DYNC2H1: variants seen among roughly 807,000 people sequenced by gnomAD.
DYNC2H1 encodes dynein cytoplasmic 2 heavy chain 1, also known as cytoplasmic dynein 2 heavy chain 1.
A neutral mutation model predicts 570.0 loss-of-function variants in DYNC2H1; 410 were observed. That is an observed-to-expected ratio of 0.72 (90% CI 0.66 to 0.78). The LOEUF is 0.78. DYNC2H1 is among the 30% of genes least tolerant of loss of function. The pLI is 0.00. For synonymous variants in DYNC2H1, 1,688 were observed against 1,677.6 expected, an observed-to-expected ratio of 1.01 and a Z score of -0.15; for missense variants, 4,865 against 5,046.4, an observed-to-expected ratio of 0.96 and a Z score of 1.09.
chr11:103,122,208 A>T (rs1379266207), intron 10 of DYNC2H1, among the ~76,000 whole-genome samples: 1 of 152,180 alleles, frequency 6.6e-6, no homozygotes. Context: ...AATAAATGTT[A>T]ATTGATTATA....
At chr11:103,468,464 T>C (rs1040477854) in intron 87 of DYNC2H1, 125 bp from the exon 88 acceptor site, 9 of 630,430 alleles carry the variant, frequency 1.4e-5, no homozygotes, top group Non-Finnish European at 2.2e-5. Flanking sequence ...TACCATAATC[T>C]TTGTTTTCAT....
intron 17 of DYNC2H1, among the ~76,000 whole-genome samples, chr11:103,141,650 A>G (rs547538647): frequency 1.3e-5 from 2 of 152,196 alleles, no homozygotes; most frequent in African/African-American, 4.8e-5. Context: ...CTCAGGGGTC[A>G]GGGGTCAGGG....
chr11:103,269,091 TTTAG>T (rs778552831), intron 70 of DYNC2H1, among the ~76,000 whole-genome samples: 27 of 152,298 alleles, frequency 1.8e-4, no homozygotes, highest in Non-Finnish European at 2.9e-4. Context: ...TTATTAATAT[TTTAG>T]TTAGTACTCA....
chr11:103,391,834 T>C (rs1942165587), intron 83 of DYNC2H1, among the ~76,000 whole-genome samples: 3 of 152,232 alleles, frequency 2.0e-5, no homozygotes, highest in South Asian at 4.1e-4. Context: ...CAGCAAATGT[T>C]GCTGCCTGAT....
chr11:103,182,976 A>G (rs2135015953), intron 40 of DYNC2H1, among the ~76,000 whole-genome samples: 1 of 151,980 alleles, frequency 6.6e-6, no homozygotes, highest in East Asian at 1.9e-4. Flanking sequence ...TAGGAAAGGG[A>G]ACACTCCCAT....
chr11:103,424,705 C>CAAAAA lies in DYNC2H1; in HGVS notation c.12367-11227_12367-11223dup, dbSNP rs72076859. 6.1e-4 allele frequency among the ~76,000 whole-genome samples: 80 copies of CAAAAA among 131,004 alleles called. 2 individuals are homozygous for CAAAAA. Among genetic ancestry groups the CAAAAA allele is most frequent in the African/African-American group, 1.8e-3 (66 of 36,068 alleles). The allele number at this position is 131,004 out of a possible 152,430, so 85.9% of individuals were successfully genotyped here. A position where few individuals can be genotyped will look rare whatever the true frequency, so the allele number is the denominator to read the frequency against. On this transcript the variant is annotated intron_variant, in intron 84 of 88. Transcript: ENST00000375735. ...GGCAAATGTTTAAAAACTGGCTCTCCAAAAAAAAAAAAAAAGAGGAGGCAA... is the reference window on the plus strand; with the variant it reads ...GGCAAATGTTTAAAAACTGGCTCTCCAAAAAAAAAAAAAAAAAAAAGAGGAGGCAA...
rs748810969 is a variant in DYNC2H1 at position 103,147,777 on chromosome 11, T to C, written c.2708T>C (p.Val903Ala). The C allele has an allele frequency of 6.2e-7, 1 of 1,602,158 alleles. No homozygotes were observed. The highest frequency in any genetic ancestry group is 1.1e-5 in the South Asian group (1 of 88,918). ...GKEVERLPSA[V>A]KVDCLNINCN... ...TGTCCATTGACATTTTTCAGTGCTGTCAAGGTAGATTGTTTAAATATTAAT... is the reference window on the plus strand; with the variant it reads ...TGTCCATTGACATTTTTCAGTGCTGCCAAGGTAGATTGTTTAAATATTAAT... Residue 903 changes from valine (V) to alanine (A), a missense_variant, in exon 19 of 89, where the codon GTC becomes GCC. This residue lies in a region of DYNC2H1 where 1,936 missense variants were observed against 1,962.1 expected (regional missense o/e 0.99). Transcript: ENST00000375735.
At chr11:103,462,078 A>G (rs61904815) in intron 87 of DYNC2H1, among the ~76,000 whole-genome samples, 24,812 of 152,148 alleles carry the variant, frequency 0.16, 2,186 homozygotes, top group Admixed American at 0.25. Context: ...CAAAATAATG[A>G]AATGAGATGC....
At chr11:103,142,824 A>G (rs977220783) in intron 17 of DYNC2H1, among the ~76,000 whole-genome samples, 1 of 152,196 alleles carries the variant, frequency 6.6e-6, no homozygotes, top group Non-Finnish European at 1.5e-5. Flanking sequence ...TTAAGTATAA[A>G]CTAATTGTAT....
intron 52 of DYNC2H1, among the ~76,000 whole-genome samples, chr11:103,206,527 A>G (rs1862932095): frequency 6.6e-6 from 1 of 152,184 alleles, no homozygotes; most frequent in Non-Finnish European, 1.5e-5. Flanking sequence ...CAGCAATCCA[A>G]GACTGAACCC....
chr11:103,384,579 A>C (rs1158244852), intron 83 of DYNC2H1, among the ~76,000 whole-genome samples: 1 of 151,718 alleles, frequency 6.6e-6, no homozygotes, highest in East Asian at 1.9e-4. Flanking sequence ...ACTTATATGC[A>C]TTTTTTACTT....
chr11:103,312,868 G>A (rs11225696), intron 79 of DYNC2H1, among the ~76,000 whole-genome samples: 26,206 of 152,000 alleles, frequency 0.17, 2,418 homozygotes, highest in Admixed American at 0.26. Flanking sequence ...GTATCTGTCT[G>A]CTTCCTCAGT....
chr11:103,184,524 C>T (rs911010733), intron 40 of DYNC2H1, among the ~76,000 whole-genome samples: 3 of 151,790 alleles, frequency 2.0e-5, no homozygotes, highest in Non-Finnish European at 4.4e-5. Context: ...TTTTCTAGTG[C>T]CATCAATCTA....
chr11:103,198,860 A>G (rs1313180197), intron 48 of DYNC2H1, among the ~76,000 whole-genome samples: 1 of 152,166 alleles, frequency 6.6e-6, no homozygotes, highest in East Asian at 1.9e-4. Flanking sequence ...CTAGATTTCT[A>G]GAGTTTGGGG....
In DYNC2H1 at chr11:103,223,052, C is replaced by T. The variant is rs779572569; in HGVS notation, c.9319C>T (p.His3107Tyr). The change falls in exon 59 of 89, where the codon CAT (histidine) becomes TAT (tyrosine). Residue 3107 changes from histidine to tyrosine, a missense_variant. Transcript: ENST00000375735. ...GTATTCCCATGTCTTGGAACGAATT[C>T]ATCCTTTGGAAACTGAACAGGCAGG... ...IQYSHVLERI[H>Y]PLETEQAGLE... The T allele has an allele frequency of 2.5e-5, 40 of 1,612,950 alleles. No individual in the cohort carries two copies. The highest frequency in any genetic ancestry group is 3.4e-5 in the Non-Finnish European group (40 of 1,179,462).
intron 83 of DYNC2H1, among the ~76,000 whole-genome samples, chr11:103,388,864 T>C (rs1190993151): frequency 6.6e-6 from 1 of 152,222 alleles, no homozygotes. Context: ...CACTTCATCA[T>C]GGTGGATAAG....
rs2134879771 is a variant in DYNC2H1, at chr11:103,153,432, C to G, written c.3226C>G (p.Leu1076Val). ...DVIETGQHNT[L>V]DKSAKLIKEK... is the part of the protein sequence containing the mutation. ...TATTGAAACTGGCCAACATAATACT[C>G]TTGATAAAAGTGCAAAGTTAATAAA... The change falls in exon 22 of 89, where the codon CTT becomes GTT. Residue 1076 changes from leucine (L) to valine (V), a missense_variant. Transcript: ENST00000375735. 1 of 1,566,444 alleles carries G rather than the reference C, an allele frequency of 6.4e-7. No individual in the cohort carries two copies. Among genetic ancestry groups the G allele is most frequent in the East Asian group, 2.3e-5 (1 of 43,076 alleles).
chr11:103,214,925 T>C (rs1168358218), intron 54 of DYNC2H1, among the ~76,000 whole-genome samples: 1 of 152,026 alleles, frequency 6.6e-6, no homozygotes, highest in Non-Finnish European at 1.5e-5. Context: ...GTAAATAGGA[T>C]TGCCTTCTTA....
At chr11:103,236,403 G>C (rs761469021) in intron 62 of DYNC2H1, 27 bp from the exon 63 acceptor site, 2 of 1,264,440 alleles carry the variant, frequency 1.6e-6, no homozygotes, top group Admixed American at 1.7e-5. Context: ...TCGTTGTGAA[G>C]TATTATCAAT....
Sources: allele counts gnomAD v4.1 joint callset (sites outside exome capture counted in the v4.1 genomes callset), GRCh38; gene constraint gnomAD v4.1.1; regional missense constraint gnomAD v4.1.1; transcripts MANE v1.5; gene names NCBI Gene and HGNC (gene_info 2026-07-23, HGNC 2026-07-21).